Variants in ARHGEF26 observed in about 807,000 individuals in gnomAD.
ARHGEF26 encodes the protein Rho guanine nucleotide exchange factor (GEF) 26.
ARHGEF26 carries 59 observed loss-of-function variants against 89.4 expected under a neutral mutation model. That is an observed-to-expected ratio of 0.66 (90% CI 0.54 to 0.82). The LOEUF (loss-of-function observed/expected upper bound fraction) is 0.82, where lower values mean the gene tolerates loss of function less well. ARHGEF26 is among the 40% of genes least tolerant of loss of function. The pLI is 0.00. For missense variants in ARHGEF26, 1,234 were observed against 1,085.6 expected (o/e 1.14, Z -1.92); for synonymous variants, 500 against 428.4 (o/e 1.17, Z -2.06).
chr3:154,192,265 T>A (rs144469754), intron 8 of ARHGEF26, among the ~76,000 whole-genome samples: 383 of 152,348 alleles, frequency 2.5e-3, no homozygotes, highest in African/African-American at 8.5e-3. Flanking sequence ...TACCTGATTT[T>A]GACTAATCAA....
intron 9 of ARHGEF26, among the ~76,000 whole-genome samples, chr3:154,198,817 A>G (rs1714443508): frequency 6.6e-6 from 1 of 152,084 alleles, no homozygotes. Context: ...CTCCTAAATC[A>G]CCACTAAAGA....
intron 4 of ARHGEF26, among the ~76,000 whole-genome samples, chr3:154,144,039 A>G (rs933744735): frequency 7.9e-5 from 12 of 152,244 alleles, no homozygotes; most frequent in Non-Finnish European, 1.3e-4. Context: ...GGATTGATCA[A>G]CAAGTTAAAT....
intron 14 of ARHGEF26, 123 bp from the exon 15 acceptor site, chr3:154,255,208 T>C: frequency 9.6e-7 from 1 of 1,038,714 alleles, no homozygotes; most frequent in Non-Finnish European, 1.4e-6. Context: ...CCTGTCCCAC[T>C]TTCTCTTCTC....
chr3:154,180,352 C>A (rs1713104309), intron 6 of ARHGEF26, among the ~76,000 whole-genome samples: 1 of 151,948 alleles, frequency 6.6e-6, no homozygotes, highest in African/African-American at 2.4e-5. Context: ...AACATGGCGC[C>A]CTTTGTGTTT....
At chr3:154,224,914 T>C (rs776493378) in intron 10 of ARHGEF26, among the ~76,000 whole-genome samples, 3 of 152,232 alleles carry the variant, frequency 2.0e-5, no homozygotes, top group Non-Finnish European at 4.4e-5. Flanking sequence ...CCTTTAGCTA[T>C]TTTTAATCAT....
At chr3:154,238,607 C>T (rs1717265504) in intron 11 of ARHGEF26, among the ~76,000 whole-genome samples, 1 of 152,140 alleles carries the variant, frequency 6.6e-6, no homozygotes, top group African/African-American at 2.4e-5. Flanking sequence ...GTTTTCTTTT[C>T]TCTAAGCTCC....
Position 154,257,660 on chromosome 3 carries a change from T to G in ARHGEF26, c.*2187T>G, listed in dbSNP as rs1230004476. On this transcript the variant is annotated 3_prime_UTR_variant, in exon 15 of 15. Transcript: ENST00000465093. Reference sequence around the variant, plus strand: ...TGTTTGTTTGATTTCAACTGTGAATTGTCTTAAGTTTTTTCAAACCTAGTT... The same window carrying G: ...TGTTTGTTTGATTTCAACTGTGAATGGTCTTAAGTTTTTTCAAACCTAGTT... 7 of 26,522 alleles carry G rather than the reference T, an allele frequency of 2.6e-4. No individual in the cohort carries two copies. Among genetic ancestry groups the G allele is most frequent in the African/African-American group, 4.7e-4 (1 of 2,130 alleles). 1.6% of individuals were successfully genotyped at this position (26,522 alleles called of 1,614,324 possible). A position where few individuals can be genotyped will look rare whatever the true frequency, so the allele number is the denominator to read the frequency against.
chr3:154,193,959 T>C (rs895887492), intron 8 of ARHGEF26, among the ~76,000 whole-genome samples: 4 of 152,002 alleles, frequency 2.6e-5, no homozygotes, highest in African/African-American at 9.7e-5. Flanking sequence ...CTTAGCCTCC[T>C]GAGTAGCTGG....
Position 154,165,502 on chromosome 3 carries a change from C to G in ARHGEF26, c.1487+12570C>G, listed in dbSNP as rs1576724616. Among the ~76,000 whole-genome samples the G allele has an allele frequency of 2.0e-5, 3 of 152,220 alleles. No individual in the cohort carries two copies. In the South Asian group the frequency reaches 6.2e-4, roughly 32 times the overall value. On this transcript the variant is annotated intron_variant, in intron 6 of 14. Transcript: ENST00000465093. ...TGAATAAAGCATATTTTTCCGGACTCTTTGAAGACCCCAATATTTGGAAAC... is the reference window on the plus strand; with the variant it reads ...TGAATAAAGCATATTTTTCCGGACTGTTTGAAGACCCCAATATTTGGAAAC...
At chr3:154,186,279 A>G (rs1207346266) in intron 6 of ARHGEF26, among the ~76,000 whole-genome samples, 2 of 152,194 alleles carry the variant, frequency 1.3e-5, no homozygotes, top group South Asian at 2.1e-4. Context: ...AGATGTTCAT[A>G]GCAGCATTAT....
At chr3:154,124,934 T>G (rs1186998738) in intron 3 of ARHGEF26, among the ~76,000 whole-genome samples, 1 of 151,684 alleles carries the variant, frequency 6.6e-6, no homozygotes, top group Non-Finnish European at 1.5e-5. Context: ...CAAAAACATA[T>G]TCTTAAGACT....
At position 154,248,065 on chromosome 3, in the gene ARHGEF26, TC is replaced by T. The variant is rs535257756; in HGVS notation, c.2301-5049del. ...GCTGTGGCAAGTGGAGTCCTTGGCT[TC>T]CTGCATTTGCAGTAAAATTTAGATG... On this transcript the variant is annotated intron_variant, in intron 12 of 14. Coordinates refer to ENST00000465093, the MANE Select transcript of ARHGEF26 (RefSeq NM_015595.4). Among the ~76,000 whole-genome samples the T allele has an allele frequency of 4.7e-3, 721 of 152,336 alleles. 5 individuals are homozygous for T. Among genetic ancestry groups the T allele is most frequent in the African/African-American group, 0.016 (685 of 41,570 alleles).
At chr3:154,161,461 C>T (rs1315940032) in intron 6 of ARHGEF26, among the ~76,000 whole-genome samples, 3 of 152,092 alleles carry the variant, frequency 2.0e-5, no homozygotes, top group Non-Finnish European at 4.4e-5. Context: ...CTTAGCATAA[C>T]ACTAGACAAG....
In ARHGEF26 at chr3:154,202,586, C is replaced by G. The variant is rs1345499445; in HGVS notation, c.1845+7868C>G. ...GGATGGCATTGAATCTATGAATTAC[C>G]TTGGGCAGTATGGCCATTTTCAAGA... On this transcript the variant is annotated intron_variant, in intron 9 of 14. Coordinates refer to ENST00000465093, the MANE Select transcript of ARHGEF26 (RefSeq NM_015595.4). 2.0e-5 allele frequency among the ~76,000 whole-genome samples: 3 copies of G among 152,228 alleles called. No individual in the cohort carries two copies. In the South Asian group the frequency reaches 6.2e-4, roughly 32 times the overall value.
chr3:154,180,181 G>A (rs1185302627), intron 6 of ARHGEF26, among the ~76,000 whole-genome samples: 1 of 152,084 alleles, frequency 6.6e-6, no homozygotes. Context: ...GATAATCCAG[G>A]ATGATTTTCC....
intron 4 of ARHGEF26, among the ~76,000 whole-genome samples, chr3:154,133,809 T>C (rs2108055730): frequency 6.6e-6 from 1 of 152,366 alleles, no homozygotes; most frequent in South Asian, 2.1e-4. Flanking sequence ...ATTTTAATGA[T>C]ATTCATTTTT....
chr3:154,256,231 CA>C lies in ARHGEF26; in HGVS notation c.*759del, dbSNP rs1451917205. The C allele has an allele frequency of 2.0e-6, 2 of 985,402 alleles. No individual in the cohort carries two copies. The highest frequency in any genetic ancestry group is 1.7e-5 in the African/African-American group (1 of 57,200). The allele number at this position is 985,402 out of a possible 1,614,324, so 61.0% of individuals were successfully genotyped here. ...ATGTGAGAAAAACCTGAATATAGGA[CA>C]GGGGTCCTACTTTTTTCCCCACCTC... On this transcript the variant is annotated 3_prime_UTR_variant, in exon 15 of 15. Transcript: ENST00000465093.
intron 10 of ARHGEF26, among the ~76,000 whole-genome samples, chr3:154,223,566 T>C (rs1161933766): frequency 1.3e-5 from 2 of 152,194 alleles, no homozygotes; most frequent in African/African-American, 2.4e-5. Context: ...GGAAATGTTA[T>C]GCTAGGTGAG....
intron 6 of ARHGEF26, among the ~76,000 whole-genome samples, chr3:154,186,648 G>C (rs1352766446): frequency 6.6e-6 from 1 of 151,748 alleles, no homozygotes; most frequent in East Asian, 2.0e-4. Flanking sequence ...TGTAATCCCA[G>C]CTACTCAGGA....
Sources: allele counts gnomAD v4.1 joint callset (sites outside exome capture counted in the v4.1 genomes callset), GRCh38; gene constraint gnomAD v4.1.1; transcripts MANE v1.5; gene names NCBI Gene and HGNC (gene_info 2026-07-23, HGNC 2026-07-21).